The following TNRC6B variants were observed in gnomAD, a reference collection of about 807,000 sequenced individuals.
TNRC6B encodes the protein trinucleotide repeat containing adaptor 6B.
A neutral mutation model predicts 203.6 loss-of-function variants in TNRC6B; 52 were observed. The ratio of observed to expected loss-of-function variants is 0.26; its 90% CI spans 0.20 to 0.32. The LOEUF is 0.32. Ranked by LOEUF, TNRC6B falls within the 10% of genes least tolerant of loss-of-function variation. TNRC6B has a pLI of 1.00. For missense variants in TNRC6B, 1,923 were observed against 2,286.2 expected (o/e 0.84, Z 3.24); for synonymous variants, 838 against 845.7 (o/e 0.99, Z 0.16).
chr22:40,141,888 C>T (rs553554549), intron 3 of TNRC6B, among the ~76,000 whole-genome samples: 1 of 152,012 alleles, frequency 6.6e-6, no homozygotes, highest in South Asian at 2.1e-4. Context: ...CATTCTCCTG[C>T]CTCAGCCTCC....
intron 21 of TNRC6B, among the ~76,000 whole-genome samples, chr22:40,317,591 A>G (rs1289813693): frequency 2.0e-5 from 3 of 152,160 alleles, no homozygotes; most frequent in Non-Finnish European, 4.4e-5. Context: ...AATAAAAAAA[A>G]GCTACATGGG....
At chr22:40,219,073 A>T (rs1311347300) in intron 1 of TNRC6B, among the ~76,000 whole-genome samples, 2 of 152,242 alleles carry the variant, frequency 1.3e-5, no homozygotes, top group African/African-American at 4.8e-5. Context: ...TTGCTGTCAA[A>T]GGCTGTTACC....
chr22:40,278,280 C>T lies in TNRC6B; in HGVS notation c.3262+236C>T, dbSNP rs182896253. 2.8e-3 allele frequency among the ~76,000 whole-genome samples: 430 copies of T among 150,926 alleles called. 2 individuals carry two copies. Among genetic ancestry groups the T allele is most frequent in the African/African-American group, 9.2e-3 (379 of 41,104 alleles). On this transcript the variant is annotated intron_variant, in intron 9 of 22. Transcript: ENST00000454349. ...CCGGGTATAAGAACCTGGGACGAGG[C>T]CGGGCATGGTGGCTCATGCCTGTAA...
intron 1 of TNRC6B, among the ~76,000 whole-genome samples, chr22:40,206,499 A>C (rs530997487): frequency 1.3e-5 from 2 of 152,372 alleles, no homozygotes; most frequent in African/African-American, 4.8e-5. Context: ...ATTATTTTTA[A>C]AAATGTCAAT....
intron 1 of TNRC6B, among the ~76,000 whole-genome samples, chr22:40,231,423 C>T (rs746988518): frequency 1.4e-4 from 22 of 151,982 alleles, no homozygotes; most frequent in Non-Finnish European, 2.9e-4. Flanking sequence ...AATTTCTATC[C>T]GCAATGTTTT....
In TNRC6B at chr22:40,265,189, C is replaced by A; in HGVS notation, c.959C>A (p.Ser320Tyr). 1 of 1,613,922 alleles carries A rather than the reference C, an allele frequency of 6.2e-7. No homozygotes were observed. The highest frequency in any genetic ancestry group is 8.5e-7 in the Non-Finnish European group (1 of 1,179,874). ...CCAGCACTGGTCCAAGAAGGAACTTCTAGGAAAGGGGCATTGGAAACAGAT... is the reference window on the plus strand; with the variant it reads ...CCAGCACTGGTCCAAGAAGGAACTTATAGGAAAGGGGCATTGGAAACAGAT... ...AWPALVQEGT[S>Y]RKGALETDNS... is the part of the protein sequence containing the mutation. Residue 320 changes from serine (S) to tyrosine (Y), a missense_variant, in exon 5 of 23, where the codon TCT becomes TAT. Coordinates refer to ENST00000454349, the MANE Select transcript of TNRC6B (RefSeq NM_001162501.2).
At chr22:40,054,164 C>T (rs937111181) in intron 1 of TNRC6B, among the ~76,000 whole-genome samples, 1 of 152,112 alleles carries the variant, frequency 6.6e-6, no homozygotes, top group African/African-American at 2.4e-5. Context: ...TGCAGTCAGC[C>T]GAGATTGCGC....
At chr22:40,143,773 G>A (rs547761207) in intron 3 of TNRC6B, among the ~76,000 whole-genome samples, 53 of 152,310 alleles carry the variant, frequency 3.5e-4, no homozygotes, top group African/African-American at 1.2e-3. Context: ...TGGGATTACA[G>A]GCGTGAGCCA....
intron 1 of TNRC6B, among the ~76,000 whole-genome samples, chr22:40,230,159 T>A (rs1002647939): frequency 1.3e-5 from 2 of 152,212 alleles, no homozygotes; most frequent in Admixed American, 6.5e-5. Context: ...TGTTGACATC[T>A]CATTGTGGCT....
At chr22:40,149,222 T>C (rs989397849) in intron 3 of TNRC6B, among the ~76,000 whole-genome samples, 5 of 152,182 alleles carry the variant, frequency 3.3e-5, no homozygotes, top group Admixed American at 6.5e-5. Flanking sequence ...CATGGATGAA[T>C]TTCAGAATGA....
In TNRC6B at chr22:40,310,872, T is replaced by A; in HGVS notation, c.4314T>A (p.Asp1438Glu). 6.2e-7 allele frequency: 1 copy of A among 1,612,880 alleles called. No homozygotes were observed. The highest frequency in any genetic ancestry group is 8.5e-7 in the Non-Finnish European group (1 of 1,179,516). Residue 1438 changes from aspartate (D) to glutamate (E), a missense_variant, in exon 17 of 23, where the codon GAT (aspartate) becomes GAA (glutamate). Asp to Glu is a conservative substitution (Grantham distance 45). Around this residue, in one of 8 missense-constraint regions of TNRC6B, gnomAD observed 242 missense variants for 399.5 expected, o/e 0.61. Transcript: ENST00000454349. ...TRGGSPYNQF[D>E]IIPGDTLGGH... Reference sequence around the variant, plus strand: ...GAGGGTCACCGTACAACCAGTTTGATATCATCCCTGGTGACACACTGGGTG... The same window carrying A: ...GAGGGTCACCGTACAACCAGTTTGAAATCATCCCTGGTGACACACTGGGTG...
rs1415524129 is a variant in TNRC6B, at chr22:40,277,105, C to T, written c.3170C>T (p.Ser1057Leu). Residue 1057 changes from serine to leucine, a missense_variant, in exon 8 of 23, where the codon TCA becomes TTA. By Grantham distance (145) the Ser-to-Leu change is moderately radical. Coordinates refer to ENST00000454349, the MANE Select transcript of TNRC6B (RefSeq NM_001162501.2). ...KCSLKGGNND[S>L]WMNPLAKQFS... The stretch of plus-strand genomic sequence containing the variant: ...TCACTCAAAGGAGGAAACAATGATT[C>T]ATGGATGAATCCTCTTGCCAAACAG... 1 of 1,607,648 alleles carries T rather than the reference C, an allele frequency of 6.2e-7. No individual in the cohort carries two copies. Among genetic ancestry groups the T allele is most frequent in the East Asian group, 2.2e-5 (1 of 44,552 alleles).
intron 1 of TNRC6B, among the ~76,000 whole-genome samples, chr22:40,231,509 CTT>C (rs898718879): frequency 4.9e-4 from 72 of 147,426 alleles, no homozygotes; most frequent in African/African-American, 1.7e-3. Context: ...GTTTTTGAAA[CTT>C]ATATATATGG....
intron 1 of TNRC6B, among the ~76,000 whole-genome samples, chr22:40,069,867 A>G (rs1601796721): frequency 6.6e-6 from 1 of 152,142 alleles, no homozygotes; most frequent in East Asian, 1.9e-4. Flanking sequence ...CACGGCTATC[A>G]GTTATGAAAT....
intron 1 of TNRC6B, among the ~76,000 whole-genome samples, chr22:40,055,132 A>G (rs2067782193): frequency 6.6e-6 from 1 of 152,242 alleles, no homozygotes; most frequent in Admixed American, 6.5e-5. Context: ...GCTAGGAGCC[A>G]GGACTACAGA....
chr22:40,315,465 T>A lies in TNRC6B; in HGVS notation c.4861T>A (p.Ser1621Thr). Residue 1621 changes from serine to threonine, a missense_variant, in exon 20 of 23, where the codon TCA becomes ACA. Transcript: ENST00000454349. ...TCCCTGGAGCAGCACAGCACCCCGA[T>A]CAGTCAGGGGGTGGGGGACACAGGA... ...SSPWSSTAPRSVRGWGTQDSR... is the reference protein window; with the variant it reads ...SSPWSSTAPRTVRGWGTQDSR... 2 of 1,613,934 alleles carry A rather than the reference T, an allele frequency of 1.2e-6. No individual in the cohort carries two copies. The highest frequency in any genetic ancestry group is 1.7e-6 in the Non-Finnish European group (2 of 1,179,884).
At position 40,266,726 on chromosome 22, in the gene TNRC6B, A is replaced by G. The variant is rs2070486627; in HGVS notation, c.2496A>G (p.Pro832=). 4 of 1,613,872 alleles carry G rather than the reference A, an allele frequency of 2.5e-6. No homozygotes were observed. The highest frequency in any genetic ancestry group is 1.3e-5 in the African/African-American group (1 of 74,928). Residue 832 remains proline, a synonymous_variant, in exon 5 of 23, where the codon CCA becomes CCG. Coordinates refer to ENST00000454349, the MANE Select transcript of TNRC6B (RefSeq NM_001162501.2). The part of the protein sequence containing the change: ...QQQPPQQPPP[P]QPEASGSWGG... ...AGCCCCCACAGCAGCCGCCGCCACC[A>G]CAACCAGAGGCTTCTGGTTCGTGGG...
chr22:40,315,533 A>G, intron 20 of TNRC6B, 26 bp downstream of exon 20: 1 of 1,607,508 alleles, frequency 6.2e-7, no homozygotes, highest in Middle Eastern at 1.7e-4. Flanking sequence ...CTAAAGGAAC[A>G]CCATTGTTCA....
chr22:40,301,360 T>G (rs769276873), intron 15 of TNRC6B, 27 bp downstream of exon 15: 3 of 1,593,964 alleles, frequency 1.9e-6, no homozygotes, highest in African/African-American at 1.3e-5. Flanking sequence ...GAAAATTACC[T>G]TTTTAGAAAT....
Sources: gnomAD v4.1 joint callset for allele counts (sites outside exome capture counted in the v4.1 genomes callset) on GRCh38, gnomAD v4.1.1 for gene constraint, gnomAD v4.1.1 regional missense constraint, MANE v1.5 for transcripts, NCBI Gene and HGNC (gene_info 2026-07-23, HGNC 2026-07-21) for gene names.